HRH1: variants seen among roughly 807,000 people sequenced by gnomAD.
The protein encoded by HRH1 is histamine H1 receptor.
A neutral mutation model predicts 10.3 loss-of-function variants in HRH1; 6 were observed. The ratio of observed to expected loss-of-function variants is 0.58; its 90% CI spans 0.32 to 1.15. HRH1 has a LOEUF of 1.15. Among genes scored for constraint, HRH1 ranks in the 50% most tolerant of loss-of-function variants. HRH1 has a pLI of 0.05. For synonymous variants in HRH1, 242 were observed against 236.7 expected (o/e 1.02, Z -0.21); for missense variants, 514 against 615.3 (o/e 0.84, Z 1.74).
upstream of HRH1, among the ~76,000 whole-genome samples, chr3:11,152,680 G>A (rs1026624094): frequency 4.1e-5 from 6 of 147,326 alleles, 1 homozygote; most frequent in Middle Eastern, 0.01. Context: ...GCTATAGAGA[G>A]AGGAAATGTA....
chr3:11,231,118 A>G (rs1939028112), intron 1 of HRH1, among the ~76,000 whole-genome samples: 1 of 152,166 alleles, frequency 6.6e-6, no homozygotes, highest in Non-Finnish European at 1.5e-5. Context: ...TTTGGGACTG[A>G]CTTCTTTCAC....
intron 1 of HRH1, among the ~76,000 whole-genome samples, chr3:11,145,166 C>T (rs1418624015): frequency 6.6e-6 from 1 of 152,130 alleles, no homozygotes; most frequent in African/African-American, 2.4e-5. Flanking sequence ...TCCTTAAAGT[C>T]CAACTCCAAT....
intron 1 of HRH1, among the ~76,000 whole-genome samples, chr3:11,225,863 A>G (rs554182133): frequency 6.6e-6 from 1 of 152,276 alleles, no homozygotes; most frequent in South Asian, 2.1e-4. Flanking sequence ...ACCCAGCTTT[A>G]TAAGGGTTGT....
intron 1 of HRH1, among the ~76,000 whole-genome samples, chr3:11,191,126 C>T (rs569739270): frequency 6.6e-6 from 1 of 152,314 alleles, no homozygotes; most frequent in African/African-American, 2.4e-5. Context: ...CTTCCTCCCT[C>T]CTCAGTTGCT....
intron 1 of HRH1, among the ~76,000 whole-genome samples, chr3:11,197,029 G>A (rs60454430): frequency 0.042 from 6,347 of 150,846 alleles, 396 homozygotes; most frequent in African/African-American, 0.13. Flanking sequence ...GGAGGCTGAG[G>A]CAGGAGAGTG....
intron 1 of HRH1, among the ~76,000 whole-genome samples, chr3:11,244,546 T>C (rs1939431207): frequency 6.6e-6 from 1 of 152,198 alleles, no homozygotes. Context: ...ACCACTGCTA[T>C]TAATTGAGCA....
chr3:11,227,087 G>A (rs1938907779), intron 1 of HRH1, among the ~76,000 whole-genome samples: 1 of 152,122 alleles, frequency 6.6e-6, no homozygotes, highest in Non-Finnish European at 1.5e-5. Flanking sequence ...ACCAGGAGCA[G>A]AAAGACCAGT....
chr3:11,183,855 C>CT (rs60566877), intron 1 of HRH1, among the ~76,000 whole-genome samples: 43,227 of 91,852 alleles, frequency 0.47, 10,442 homozygotes, highest in East Asian at 0.56. Context: ...GGAAAGCTTG[C>CT]TTTTTTTTTT....
intron 1 of HRH1, among the ~76,000 whole-genome samples, chr3:11,204,796 C>T (rs1938056937): frequency 6.6e-6 from 1 of 152,224 alleles, no homozygotes; most frequent in Non-Finnish European, 1.5e-5. Context: ...CAGAGGCAGG[C>T]TTCCCAAAGC....
intron 1 of HRH1, among the ~76,000 whole-genome samples, chr3:11,145,964 T>C (rs1008321826): frequency 6.6e-6 from 1 of 152,236 alleles, no homozygotes; most frequent in African/African-American, 2.4e-5. Flanking sequence ...CAGGCTTCTA[T>C]TGGTGAATAT....
intron 1 of HRH1, among the ~76,000 whole-genome samples, chr3:11,229,030 A>G (rs1325248444): frequency 1.3e-5 from 2 of 152,210 alleles, no homozygotes; most frequent in African/African-American, 4.8e-5. Flanking sequence ...GAAAGCTTCA[A>G]AAAAGAAGGA....
intron 1 of HRH1, among the ~76,000 whole-genome samples, chr3:11,182,296 T>C (rs1186360604): frequency 1.3e-5 from 2 of 152,350 alleles, no homozygotes; most frequent in East Asian, 1.9e-4. Flanking sequence ...AAAATTCTTA[T>C]ATTTTCTGGA....
intron 1 of HRH1, among the ~76,000 whole-genome samples, chr3:11,174,269 G>C (rs1055385049): frequency 6.6e-6 from 1 of 152,216 alleles, no homozygotes; most frequent in Non-Finnish European, 1.5e-5. Context: ...GCTAGCACTT[G>C]ATCAAGACCA....
chr3:11,212,722 A>G (rs1304820078), intron 1 of HRH1, among the ~76,000 whole-genome samples: 1 of 152,232 alleles, frequency 6.6e-6, no homozygotes, highest in Non-Finnish European at 1.5e-5. Context: ...GTAATCCATC[A>G]GTAGTATAGC....
chr3:11,170,542 C>T (rs999739441), intron 1 of HRH1, among the ~76,000 whole-genome samples: 1 of 152,220 alleles, frequency 6.6e-6, no homozygotes, highest in African/African-American at 2.4e-5. Flanking sequence ...ATCCCATGGG[C>T]GAGGAGCCCA....
chr3:11,227,088 A>G (rs1390352635), intron 1 of HRH1, among the ~76,000 whole-genome samples: 1 of 152,148 alleles, frequency 6.6e-6, no homozygotes, highest in East Asian at 1.9e-4. Flanking sequence ...CCAGGAGCAG[A>G]AAGACCAGTT....
At chr3:11,152,546 A>C (rs1235115142), upstream of HRH1, among the ~76,000 whole-genome samples, 1 of 152,144 alleles carries the variant, frequency 6.6e-6, no homozygotes, top group East Asian at 1.9e-4. Flanking sequence ...CCTTTGCTGA[A>C]ATGCAGAATG....
intron 1 of HRH1, among the ~76,000 whole-genome samples, chr3:11,188,868 C>T (rs1350573160): frequency 6.6e-6 from 1 of 152,152 alleles, no homozygotes. Context: ...CAGATCAGGT[C>T]CACAGAAAAA....
chr3:11,162,130 A>G (rs35422217), intron 1 of HRH1, among the ~76,000 whole-genome samples: 12 of 152,098 alleles, frequency 7.9e-5, no homozygotes, highest in South Asian at 2.1e-4. Flanking sequence ...AGTGGAAAGG[A>G]CGCATGCTCC....
Sources: allele counts gnomAD v4.1 joint callset (sites outside exome capture counted in the v4.1 genomes callset), GRCh38; gene constraint gnomAD v4.1.1; transcripts MANE v1.5; gene names NCBI Gene and HGNC (gene_info 2026-07-23, HGNC 2026-07-21).